The following MPP3 variants were observed in gnomAD, a reference collection of about 807,000 sequenced individuals.
MPP3 encodes MAGUK p55 scaffold protein 3, also known as MAGUK p55 subfamily member 3.
A neutral mutation model predicts 80.7 loss-of-function variants in MPP3; 48 were observed. That is an observed-to-expected ratio of 0.59 (90% CI 0.47 to 0.76). The LOEUF is 0.76. Ranked by LOEUF, MPP3 falls within the 30% of genes least tolerant of loss-of-function variation. The pLI is 0.00. For missense variants in MPP3, 620 were observed against 763.0 expected (o/e 0.81, Z 2.21); for synonymous variants, 311 against 297.6 (o/e 1.04, Z -0.46).
At chr17:43,831,516 G>C in intron 4 of MPP3, 43 bp downstream of exon 4, 1 of 1,476,648 alleles carries the variant, frequency 6.8e-7, no homozygotes, top group South Asian at 1.2e-5. Flanking sequence ...CAGCTAGAAA[G>C]ACCTCTAGAC....
At chr17:43,831,166 A>G (rs1025444309) in intron 5 of MPP3, 78 bp downstream of exon 5, 74 of 1,386,906 alleles carry the variant, frequency 5.3e-5, no homozygotes, top group Non-Finnish European at 6.1e-6. Flanking sequence ...TCCCCACACT[A>G]AGCAAGCGAG....
intron 11 of MPP3, 119 bp from the exon 12 acceptor site, chr17:43,818,229 A>T: frequency 2.4e-6 from 2 of 824,816 alleles, no homozygotes; most frequent in Non-Finnish European, 3.5e-6. Context: ...CACACACTGG[A>T]CACTCTGAGG....
chr17:43,816,451 C>T (rs548042920), intron 13 of MPP3, among the ~76,000 whole-genome samples: 1 of 152,330 alleles, frequency 6.6e-6, no homozygotes, highest in African/African-American at 2.4e-5. Flanking sequence ...CTGGGCCGCA[C>T]GTGTCAGGAG....
intron 16 of MPP3, chr17:43,811,492 A>G: frequency 2.8e-6 from 1 of 362,020 alleles, no homozygotes; most frequent in Non-Finnish European, 5.1e-6. Flanking sequence ...CACAACCAGT[A>G]GAGAGCACAG....
intron 19 of MPP3, among the ~76,000 whole-genome samples, chr17:43,806,342 T>C (rs1567795906): frequency 1.3e-5 from 2 of 151,496 alleles, no homozygotes. Flanking sequence ...ATTTTTGTAT[T>C]TTTAGTAGAG....
chr17:43,826,427 A>G (rs1483599849), intron 8 of MPP3, among the ~76,000 whole-genome samples: 1 of 152,228 alleles, frequency 6.6e-6, no homozygotes, highest in Non-Finnish European at 1.5e-5. Context: ...CCTAGCTCAG[A>G]CCTGCTGAAT....
intron 10 of MPP3, among the ~76,000 whole-genome samples, chr17:43,823,721 G>A (rs1405491823): frequency 1.3e-5 from 2 of 152,112 alleles, no homozygotes; most frequent in African/African-American, 2.4e-5. Context: ...AGTAAGCCAC[G>A]TCAAATCCTG....
At chr17:43,810,998 C>G (rs2154591211) in intron 17 of MPP3, 83 bp from the exon 18 acceptor site, 1 of 1,427,852 alleles carries the variant, frequency 7.0e-7, no homozygotes, top group Non-Finnish European at 9.8e-7. Flanking sequence ...CCCAACATGA[C>G]TTCTCTCCCG....
At chr17:43,829,413 C>T (rs1361497523) in intron 7 of MPP3, among the ~76,000 whole-genome samples, 1 of 152,194 alleles carries the variant, frequency 6.6e-6, no homozygotes, top group Non-Finnish European at 1.5e-5. Flanking sequence ...ATCAGGGTCA[C>T]CCTGTACAAT....
intron 9 of MPP3, 67 bp from the exon 10 acceptor site, chr17:43,824,072 T>C (rs1185065999): frequency 1.7e-6 from 2 of 1,143,420 alleles, no homozygotes; most frequent in African/African-American, 3.2e-5. Context: ...CAACTCCTAC[T>C]TCTCAGGCCT....
chr17:43,819,406 C>A (rs117252352), intron 11 of MPP3, among the ~76,000 whole-genome samples: 1 of 152,352 alleles, frequency 6.6e-6, no homozygotes, highest in East Asian at 1.9e-4. Flanking sequence ...GAATTGGGAA[C>A]AACCTAATCG....
intron 9 of MPP3, 58 bp from the exon 10 acceptor site, chr17:43,824,063 A>C: frequency 8.0e-7 from 1 of 1,252,166 alleles, no homozygotes; most frequent in South Asian, 1.3e-5. Flanking sequence ...CCAAGAGTTC[A>C]ACTCCTACTT....
chr17:43,818,596 G>T (rs935791560), intron 11 of MPP3, among the ~76,000 whole-genome samples: 8 of 152,264 alleles, frequency 5.3e-5, no homozygotes, highest in Non-Finnish European at 8.8e-5. Context: ...GTGGAGAGGT[G>T]GGGCTCTCAG....
chr17:43,806,513 A>G (rs16940225), intron 19 of MPP3, among the ~76,000 whole-genome samples: 6,230 of 152,060 alleles, frequency 0.041, 426 homozygotes, highest in African/African-American at 0.14. Context: ...ACATCCTGTA[A>G]GTGTCACATA....
rs1319042280 is a variant in MPP3, at chr17:43,814,257, C to T, written c.1114G>A (p.Glu372Lys). The T allele has an allele frequency of 5.0e-6, 8 of 1,613,462 alleles. No individual in the cohort carries two copies. The highest frequency in any genetic ancestry group is 2.2e-5 in the East Asian group (1 of 44,866). ...TGGTGTTGGTACCTGGCCACCTCTTCGTAAGTCAGCAGCTCCGGAGACTCA... is the reference window on the plus strand; with the variant it reads ...TGGTGTTGGTACCTGGCCACCTCTTTGTAAGTCAGCAGCTCCGGAGACTCA... ...GAESPELLTY[E>K]EVARYQHQPG... The change falls in exon 15 of 20, where the codon GAA (glutamate) becomes AAA (lysine). Residue 372 changes from glutamate (E) to lysine (K), a missense_variant. By Grantham distance (56) the Glu-to-Lys change is moderately conservative (BLOSUM62 1). Coordinates refer to ENST00000398389, the MANE Select transcript of MPP3 (RefSeq NM_001932.6).
rs1187130060 is a variant in MPP3, at chr17:43,827,837, A to C, written c.442-5T>G. 1 of 1,612,836 alleles carries C rather than the reference A, an allele frequency of 6.2e-7. No homozygotes were observed. The highest frequency in any genetic ancestry group is 8.5e-7 in the Non-Finnish European group (1 of 1,179,966). Reference sequence around the variant, plus strand: ...GTCCCGCCGGATGGTGGCACCCTGAACCCGAGACAGAAGAGACAGGTTCTT... The same window carrying C: ...GTCCCGCCGGATGGTGGCACCCTGACCCCGAGACAGAAGAGACAGGTTCTT... On this transcript the variant is annotated splice_region_variant and splice_polypyrimidine_tract_variant and intron_variant, in intron 7 of 19. Coordinates refer to ENST00000398389, the MANE Select transcript of MPP3 (RefSeq NM_001932.6).
chr17:43,811,236 G>A (rs1416150150), intron 16 of MPP3, 31 bp from the exon 17 acceptor site: 1 of 1,554,910 alleles, frequency 6.4e-7, no homozygotes, highest in East Asian at 2.2e-5. Context: ...GCTGGGCAAA[G>A]AGATGTCACA....
At chr17:43,829,292 T>G (rs2045851757) in intron 7 of MPP3, among the ~76,000 whole-genome samples, 1 of 152,212 alleles carries the variant, frequency 6.6e-6, no homozygotes, top group African/African-American at 2.4e-5. Context: ...ACAGCCAATC[T>G]GTAAGTGAAT....
chr17:43,826,471 CG>C (rs1407495058), intron 8 of MPP3, among the ~76,000 whole-genome samples: 1 of 152,210 alleles, frequency 6.6e-6, no homozygotes, highest in Non-Finnish European at 1.5e-5. Context: ...TCAGGGAATT[CG>C]TGGACTCGTT....
Sources: allele counts gnomAD v4.1 joint callset (sites outside exome capture counted in the v4.1 genomes callset), GRCh38; gene constraint gnomAD v4.1.1; transcripts MANE v1.5; gene names NCBI Gene and HGNC (gene_info 2026-07-23, HGNC 2026-07-21).